The following KRT18 variants were observed in gnomAD, a reference collection of about 807,000 sequenced individuals.
KRT18 encodes keratin 18, also known as keratin, type I cytoskeletal 18.
KRT18 carries 8 observed loss-of-function variants against 39.9 expected under a neutral mutation model. The observed-to-expected ratio is 0.20, with a 90% CI of 0.12 to 0.36. The LOEUF is 0.36. Among genes scored for constraint, KRT18 ranks in the 10% least tolerant of loss-of-function variants. The pLI, the probability that KRT18 is intolerant of heterozygous loss-of-function variation, is 1.00. For missense variants in KRT18, 396 were observed against 565.7 expected (o/e 0.70, Z 3.04); for synonymous variants, 194 against 227.8 (o/e 0.85, Z 1.33).
At chr12:52,949,733 A>T in intron 1 of KRT18, 143 bp downstream of exon 1, 1 of 776,268 alleles carries the variant, frequency 1.3e-6, no homozygotes, top group East Asian at 2.7e-5. Flanking sequence ...CCATCCGCGC[A>T]CCTAGCCACA....
At position 52,951,784 on chromosome 12, in the gene KRT18, T is replaced by G. The variant is rs141750671; in HGVS notation, c.876T>G (p.Ala292=). 6.2e-7 allele frequency: 1 copy of G among 1,612,662 alleles called. No individual in the cohort carries two copies. The highest frequency in any genetic ancestry group is 8.5e-7 in the Non-Finnish European group (1 of 1,179,984). ...CACAGTCTGCTGAGGTTGGAGCTGC[T>G]GAGACGACGCTCACAGAGCTGAGAC... The part of the protein sequence containing the change: ...VTTQSAEVGA[A]ETTLTELRRT... The change falls in exon 5 of 7, where the codon GCT becomes GCG. Residue 292 remains alanine, a synonymous_variant. Transcript: ENST00000388835.
intron 5 of KRT18, 127 bp from the exon 6 acceptor site, chr12:52,951,992 C>A: frequency 7.5e-7 from 1 of 1,332,042 alleles, no homozygotes; most frequent in Non-Finnish European, 1.1e-6. Context: ...TTGCATTTCC[C>A]TCCACTCCTA....
intron 5 of KRT18, 66 bp from the exon 6 acceptor site, chr12:52,952,053 A>G (rs1218002165): frequency 7.1e-7 from 1 of 1,418,170 alleles, no homozygotes; most frequent in Non-Finnish European, 9.8e-7. Context: ...AAGTTTCCAA[A>G]AGTGAAGGGA....
intron 5 of KRT18, 54 bp from the exon 6 acceptor site, chr12:52,952,065 G>A: frequency 7.0e-7 from 1 of 1,431,958 alleles, no homozygotes; most frequent in Non-Finnish European, 9.6e-7. Context: ...GTGAAGGGAT[G>A]AGCAGTCCTG....
upstream of KRT18, chr12:52,949,041 T>C: frequency 2.3e-6 from 2 of 852,948 alleles, no homozygotes; most frequent in Non-Finnish European, 3.8e-6. Flanking sequence ...CACCTGTGGC[T>C]CCGGCTTCCG....
Position 52,950,418 on chromosome 12 carries a change from TGG to T in KRT18, c.500+12_500+13del. ...TGATGACTTTAGAGTCAAGTAAGTT[TGG>T]GGGCTAGAGAGCTGGGGGTCCAGGG... On this transcript the variant is annotated intron_variant, in intron 2 of 6. Transcript: ENST00000388835. 1 of 1,594,624 alleles carries T rather than the reference TGG, an allele frequency of 6.3e-7. No individual in the cohort carries two copies. The highest frequency in any genetic ancestry group is 8.6e-7 in the Non-Finnish European group (1 of 1,164,128).
Position 52,949,527 on chromosome 12 carries a change from G to A in KRT18, c.354G>A (p.Lys118=), listed in dbSNP as rs749637522. Residue 118 remains lysine, a synonymous_variant, in exon 1 of 7, where the codon AAG becomes AAA. Coordinates refer to ENST00000388835, the MANE Select transcript of KRT18 (RefSeq NM_000224.3). ...LESKIREHLE[K]KGPQVRDWSH... is the part of the protein sequence containing the mutation. The stretch of plus-strand genomic sequence containing the variant: ...GCAAAATCCGGGAGCACTTGGAGAA[G>A]AAGGGACCCCAGGTCAGAGACTGGA... 1.2e-6 allele frequency: 2 copies of A among 1,613,626 alleles called. No homozygotes were observed. Among genetic ancestry groups the A allele is most frequent in the Admixed American group, 1.7e-5 (1 of 60,018 alleles).
In KRT18 at chr12:52,950,309, C is replaced by T; in HGVS notation, c.418-19C>T. 6.4e-7 allele frequency: 1 copy of T among 1,563,976 alleles called. No homozygotes were observed. Among genetic ancestry groups the T allele is most frequent in the Middle Eastern group, 2.0e-4 (1 of 5,106 alleles). ...TGGCTTTCTATTCATGGAACAACCT[C>T]TCTCTACAATCCCTCCAGATCTTCG... On this transcript the variant is annotated intron_variant, in intron 1 of 6. Coordinates refer to ENST00000388835, the MANE Select transcript of KRT18 (RefSeq NM_000224.3).
Position 52,949,286 on chromosome 12 carries a change from G to A in KRT18, c.113G>A (p.Gly38Asp), listed in dbSNP as rs1486318507. The A allele has an allele frequency of 3.7e-6, 6 of 1,610,536 alleles. No homozygotes were observed. The highest frequency in any genetic ancestry group is 4.5e-4 in the Middle Eastern group (2 of 4,482). Residue 38 changes from glycine (G) to aspartate (D), a missense_variant, in exon 1 of 7, where the codon GGC becomes GAC. Coordinates refer to ENST00000388835, the MANE Select transcript of KRT18 (RefSeq NM_000224.3). ...PVSSAASVYA[G>D]AGGSGSRISV... is the part of the protein sequence containing the mutation. ...AGCAGCGCGGCCAGCGTCTATGCAGGCGCTGGGGGCTCTGGTTCCCGGATC... is the reference window on the plus strand; with the variant it reads ...AGCAGCGCGGCCAGCGTCTATGCAGACGCTGGGGGCTCTGGTTCCCGGATC...
chr12:52,950,163 G>A (rs1942454295), intron 1 of KRT18, 165 bp from the exon 2 acceptor site: 1 of 734,834 alleles, frequency 1.4e-6, no homozygotes, highest in Non-Finnish European at 2.5e-6. Flanking sequence ...GGAAAGGAGG[G>A]AATGGGGTGG....
Position 52,952,776 on chromosome 12 carries a change from C to T in KRT18, c.1227C>T (p.Thr409=), listed in dbSNP as rs756269928. Residue 409 remains threonine (T), a synonymous_variant, in exon 7 of 7, where the codon ACC becomes ACT. Transcript: ENST00000388835. ...CCATGCAAACCATCCAAAAGACCAC[C>T]ACCCGCCGGATAGTGGATGGCAAAG... is the stretch of plus-strand genomic sequence containing the variant. ...SNSMQTIQKT[T]TRRIVDGKVV... 1 of 1,612,092 alleles carries T rather than the reference C, an allele frequency of 6.2e-7. No homozygotes were observed.
At position 52,952,298 on chromosome 12, in the gene KRT18, G is replaced by A. The variant is rs1565739446; in HGVS notation, c.1128G>A (p.Glu376=). The A allele has an allele frequency of 6.2e-7, 1 of 1,608,460 alleles. No individual in the cohort carries two copies. The highest frequency in any genetic ancestry group is 8.5e-7 in the Non-Finnish European group (1 of 1,178,380). ...ACATCAAGGTCAAGCTGGAGGCTGA[G>A]ATCGCCACCTACCGCCGCCTGCTGG... ...LLNIKVKLEA[E]IATYRRLLED... is the part of the protein sequence containing the mutation. The change falls in exon 6 of 7, where the codon GAG becomes GAA. Residue 376 remains glutamate, a synonymous_variant. Transcript: ENST00000388835.
Position 52,950,240 on chromosome 12 carries a change from A to C in KRT18, c.418-88A>C, listed in dbSNP as rs549285293. 9.5e-5 allele frequency: 91 copies of C among 955,560 alleles called. No individual in the cohort carries two copies. The Admixed American group carries it at 1.3e-3, about 13-fold the overall frequency. 59.2% of individuals were successfully genotyped at this position (955,560 alleles called of 1,614,324 possible). A position where few individuals can be genotyped will look rare whatever the true frequency, so the allele number is the denominator to read the frequency against. ...CTATTCCTGGGACCAGGAAGTTTTC[A>C]CTAGGATACATAACACTTTTTACAC... On this transcript the variant is annotated intron_variant, in intron 1 of 6. Coordinates refer to ENST00000388835, the MANE Select transcript of KRT18 (RefSeq NM_000224.3).
chr12:52,951,399 C>T (rs1592194719), intron 3 of KRT18, 82 bp from the exon 4 acceptor site: 5 of 1,373,060 alleles, frequency 3.6e-6, no homozygotes, highest in South Asian at 3.5e-5. Flanking sequence ...TGTAGGCCTC[C>T]TAGAAGAGGC....
chr12:52,949,134 G>C lies in KRT18; in HGVS notation c.-40G>C. The C allele has an allele frequency of 6.3e-7, 1 of 1,592,960 alleles. No homozygotes were observed. Among genetic ancestry groups the C allele is most frequent in the Non-Finnish European group, 8.6e-7 (1 of 1,163,368 alleles). ...CTCGCGCAGGCCGCCACCGTCGTCC[G>C]CAAAGCCTGAGTCCTGTCCTTTCTC... On this transcript the variant is annotated 5_prime_UTR_variant, in exon 1 of 7. Transcript: ENST00000388835.
chr12:52,949,933 G>T (rs1047228330), intron 1 of KRT18: 1 of 636,860 alleles, frequency 1.6e-6, no homozygotes, highest in Non-Finnish European at 2.8e-6. Flanking sequence ...TGTGGCTAAG[G>T]CTGAGTCATC....
chr12:52,951,659 G>A lies in KRT18; in HGVS notation c.822+14G>A. Reference sequence around the variant, plus strand: ...TGGTCTCAGCAGGTGCGTGAGGGGAGGGGATGGCTGCCAAGGTGTGGGAGG... The same window carrying A: ...TGGTCTCAGCAGGTGCGTGAGGGGAAGGGATGGCTGCCAAGGTGTGGGAGG... On this transcript the variant is annotated intron_variant, in intron 4 of 6. Transcript: ENST00000388835. 1.2e-6 allele frequency: 2 copies of A among 1,613,474 alleles called. No individual in the cohort carries two copies. Among genetic ancestry groups the A allele is most frequent in the Non-Finnish European group, 1.7e-6 (2 of 1,180,014 alleles).
intron 6 of KRT18, 71 bp from the exon 7 acceptor site, chr12:52,952,651 C>T (rs552693244): frequency 5.1e-6 from 8 of 1,553,660 alleles, no homozygotes; most frequent in Non-Finnish European, 7.1e-6. Context: ...GAGGCTTTTT[C>T]CCTCTACCTT....
chr12:52,952,678 C>T lies in KRT18; in HGVS notation c.1173-44C>T, dbSNP rs116775133. 3,796 of 1,607,818 alleles carry T rather than the reference C, an allele frequency of 2.4e-3. 85 individuals are homozygous for T. The African/African-American group carries it at 0.045, about 19-fold the overall frequency. ...CTCTACCTTTCTTGTCTCCCTTCTA[C>T]TCCACGGGGCTGTTTATAACTTGGG... is the stretch of plus-strand genomic sequence containing the variant. On this transcript the variant is annotated intron_variant, in intron 6 of 6. Transcript: ENST00000388835.
Sources: gnomAD v4.1 joint callset for allele counts on GRCh38, gnomAD v4.1.1 for gene constraint, MANE v1.5 for transcripts, NCBI Gene and HGNC (gene_info 2026-07-23, HGNC 2026-07-21) for gene names.